The following CCSER1 variants were observed in gnomAD, a reference collection of about 807,000 sequenced individuals.
CCSER1 encodes the protein serine-rich coiled-coil domain-containing protein 1.
In CCSER1, 41 loss-of-function variants were observed where a neutral mutation model predicts 82.0. That is an observed-to-expected ratio of 0.50 (90% CI 0.39 to 0.65). CCSER1 has a LOEUF of 0.65. Ranked by LOEUF, CCSER1 falls within the 30% of genes least tolerant of loss-of-function variation. CCSER1 has a pLI of 0.00. For missense variants in CCSER1, 1,119 were observed against 1,064.2 expected (o/e 1.05, Z -0.72); for synonymous variants, 414 against 383.9 (o/e 1.08, Z -0.92).
rs1183227159 is a variant in CCSER1, at chr4:91,013,628, A to G, written c.2173-72322A>G. Reference sequence around the variant, plus strand: ...TCTTTTTTTTTTTTTTTTGAGATGGAGTCTTGCTCTGTCAACCAGGCTGGA... The same window carrying G: ...TCTTTTTTTTTTTTTTTTGAGATGGGGTCTTGCTCTGTCAACCAGGCTGGA... On this transcript the variant is annotated intron_variant, in intron 9 of 10. Coordinates refer to ENST00000509176, the MANE Select transcript of CCSER1 (RefSeq NM_001145065.2). Among the ~76,000 whole-genome samples the G allele has an allele frequency of 1.6e-3, 151 of 95,836 alleles. 7 individuals are homozygous for G. Among genetic ancestry groups the G allele is most frequent in the African/African-American group, 4.7e-3 (137 of 29,240 alleles). The allele number at this position is 95,836 out of a possible 152,430, so 62.9% of individuals were successfully genotyped here. A position where few individuals can be genotyped will look rare whatever the true frequency, so the allele number is the denominator to read the frequency against.
intron 10 of CCSER1, among the ~76,000 whole-genome samples, chr4:91,508,162 G>GTTTTTTTTTTTTTTTTTTTTTTGTT (rs139066436): frequency 3.1e-5 from 3 of 97,654 alleles, no homozygotes; most frequent in African/African-American, 7.9e-5. Flanking sequence ...TTTTTTCTGG[G>GTTTTTTTTTTTTTTTTTTTTTTGTT]TTTTTTTTTT....
At chr4:90,538,459 C>T (rs1775701222) in intron 5 of CCSER1, among the ~76,000 whole-genome samples, 1 of 151,876 alleles carries the variant, frequency 6.6e-6, no homozygotes, top group South Asian at 2.1e-4. Flanking sequence ...GTTGCCATTG[C>T]CCTCAGCTAT....
chr4:91,600,336 CATAA>C lies in CCSER1; in HGVS notation c.*1288_*1291del, dbSNP rs1185061282. ...CAGAATCAAAGAGTACAATTGAATA[CATAA>C]ATAAATAATTTTTAAAAGACTAATA... On this transcript the variant is annotated 3_prime_UTR_variant, in exon 11 of 11. Transcript: ENST00000509176. 10 of 152,180 alleles carry C rather than the reference CATAA, an allele frequency of 6.6e-5. No homozygotes were observed. The highest frequency in any genetic ancestry group is 3.9e-4 in the Admixed American group (6 of 15,254). 9.4% of individuals were successfully genotyped at this position (152,180 alleles called of 1,614,324 possible). A position where few individuals can be genotyped will look rare whatever the true frequency, so the allele number is the denominator to read the frequency against.
rs77722465 is a variant in CCSER1, at chr4:90,836,689, A to T, written c.2094+20844A>T. On this transcript the variant is annotated intron_variant, in intron 8 of 10. Transcript: ENST00000509176. The stretch of plus-strand genomic sequence containing the variant: ...GTGGGCCACAGAAGTCCTGATTTGA[A>T]CCCTGGACTGGGTGGAGTCTTGGAA... 5.5e-4 allele frequency among the ~76,000 whole-genome samples: 84 copies of T among 152,178 alleles called. No homozygotes were observed. The East Asian group carries it at 0.013, about 23-fold the overall frequency.
At chr4:90,178,438 T>C (rs1266396152) in intron 1 of CCSER1, among the ~76,000 whole-genome samples, 1 of 152,140 alleles carries the variant, frequency 6.6e-6, no homozygotes, top group Non-Finnish European at 1.5e-5. Context: ...ACTTTTATAT[T>C]GGCTTTTTTT....
At chr4:90,843,035 G>C (rs2149884021) in intron 8 of CCSER1, among the ~76,000 whole-genome samples, 1 of 152,268 alleles carries the variant, frequency 6.6e-6, no homozygotes, top group East Asian at 1.9e-4. Flanking sequence ...CTCTTGAAAA[G>C]AGTCAGCACA....
chr4:91,597,254 T>A (rs1764627589), intron 10 of CCSER1, among the ~76,000 whole-genome samples: 1 of 152,054 alleles, frequency 6.6e-6, no homozygotes, highest in Non-Finnish European at 1.5e-5. Flanking sequence ...AAAAGACTCT[T>A]GTGAAGAGTG....
intron 5 of CCSER1, among the ~76,000 whole-genome samples, chr4:90,570,516 G>A (rs773526159): frequency 2.0e-5 from 3 of 152,026 alleles, no homozygotes; most frequent in Non-Finnish European, 4.4e-5. Flanking sequence ...CTTTGACTCC[G>A]GCAAGCACAG....
chr4:90,782,181 G>A (rs562397550), intron 7 of CCSER1, among the ~76,000 whole-genome samples: 11 of 152,152 alleles, frequency 7.2e-5, no homozygotes, highest in South Asian at 4.2e-4. Flanking sequence ...ACCAGGAGGC[G>A]TCTTCTTGGG....
chr4:90,243,206 A>G (rs138542221), intron 1 of CCSER1, among the ~76,000 whole-genome samples: 1 of 151,420 alleles, frequency 6.6e-6, no homozygotes, highest in East Asian at 2.0e-4. Flanking sequence ...TAGGACTACA[A>G]GTGCACATCA....
intron 5 of CCSER1, among the ~76,000 whole-genome samples, chr4:90,478,944 T>C (rs1441274302): frequency 9.2e-5 from 14 of 152,016 alleles, no homozygotes. Context: ...TTTCACCATG[T>C]TAGTCAGGCT....
intron 4 of CCSER1, among the ~76,000 whole-genome samples, chr4:90,462,258 G>A (rs976698746): frequency 2.0e-5 from 3 of 151,088 alleles, no homozygotes; most frequent in African/African-American, 7.4e-5. Context: ...TTGTGTATTT[G>A]TTTTTGTAAC....
At chr4:91,351,159 G>A (rs912983033) in intron 10 of CCSER1, among the ~76,000 whole-genome samples, 1 of 150,224 alleles carries the variant, frequency 6.7e-6, no homozygotes, top group Non-Finnish European at 1.5e-5. Context: ...ATATTATGGG[G>A]AGAATATTTC....
chr4:90,465,033 G>T (rs932046841), intron 4 of CCSER1, among the ~76,000 whole-genome samples: 1 of 152,004 alleles, frequency 6.6e-6, no homozygotes, highest in East Asian at 1.9e-4. Context: ...GTGTGATCTC[G>T]GCTCACTGCA....
At chr4:90,196,662 C>CACACACACAT (rs1338417068) in intron 1 of CCSER1, among the ~76,000 whole-genome samples, 229 of 150,854 alleles carry the variant, frequency 1.5e-3, no homozygotes, top group African/African-American at 4.9e-3. Context: ...CAGATACACA[C>CACACACACAT]ACACACACAC....
chr4:90,308,394 A>G lies in CCSER1; in HGVS notation c.110A>G (p.Asn37Ser), dbSNP rs747382414. 1.2e-6 allele frequency: 2 copies of G among 1,613,756 alleles called. No individual in the cohort carries two copies. Among genetic ancestry groups the G allele is most frequent in the Admixed American group, 1.7e-5 (1 of 59,928 alleles). ...CTTCCTTCTTCACCTTCTTCCAGTA[A>G]TACAGTTGGTGTCCACAGTTCCTCT... Reference protein sequence around the residue: ...DSLPSSPSSSNTVGVHSSSPS... With the variant: ...DSLPSSPSSSSTVGVHSSSPS... Residue 37 changes from asparagine to serine, a missense_variant, in exon 2 of 11, where the codon AAT becomes AGT. Transcript: ENST00000509176.
At chr4:91,353,797 G>T (rs186653228) in intron 10 of CCSER1, among the ~76,000 whole-genome samples, 7 of 152,268 alleles carry the variant, frequency 4.6e-5, no homozygotes, top group African/African-American at 1.7e-4. Flanking sequence ...CAGTAAGCAG[G>T]TTCCTATTAC....
intron 10 of CCSER1, among the ~76,000 whole-genome samples, chr4:91,223,212 G>A (rs918595701): frequency 6.6e-6 from 1 of 151,994 alleles, no homozygotes; most frequent in African/African-American, 2.4e-5. Context: ...CAAGGAGCAG[G>A]CAATAGATAG....
At chr4:90,720,374 A>G (rs1742467726) in intron 6 of CCSER1, among the ~76,000 whole-genome samples, 2 of 152,038 alleles carry the variant, frequency 1.3e-5, no homozygotes, top group Non-Finnish European at 2.9e-5. Flanking sequence ...CACATTTTCC[A>G]CAGAATCAGA....
Sources: gnomAD v4.1 joint callset for allele counts (sites outside exome capture counted in the v4.1 genomes callset) on GRCh38, gnomAD v4.1.1 for gene constraint, MANE v1.5 for transcripts, NCBI Gene and HGNC (gene_info 2026-07-23, HGNC 2026-07-21) for gene names.